Variants in KIF12 observed in about 807,000 individuals in gnomAD.
The protein encoded by KIF12 is kinesin family member 12.
Under a neutral mutation model 87.9 loss-of-function variants are expected in KIF12, and 80 were observed. The ratio of observed to expected loss-of-function variants is 0.91; its 90% CI spans 0.76 to 1.10. The LOEUF is 1.10. Ranked by LOEUF, KIF12 falls within the 50% of genes least tolerant of loss-of-function variation. The pLI is 0.00. For missense variants in KIF12, 819 were observed against 865.3 expected, an observed-to-expected ratio of 0.95 and a Z score of 0.67; for synonymous variants, 353 against 348.5, an observed-to-expected ratio of 1.01 and a Z score of -0.14.
chr9:114,098,414 C>A lies in KIF12; in HGVS notation c.187G>T (p.Gly63Trp), dbSNP rs1342082192. ...AAGCGGAACGCCACTTCTGGACCCC[C>A]GCCTGGAGGACTCACCTGGCGCGGG... ...TRTLQVSPPG[G>W]GPEVAFRFGA... is the part of the protein sequence containing the mutation. Residue 63 changes from glycine (G) to tryptophan (W), a missense_variant, in exon 4 of 19, where the codon GGG (glycine) becomes TGG (tryptophan). Coordinates refer to ENST00000640217, the MANE Select transcript of KIF12 (RefSeq NM_001388308.1). 16 of 1,508,326 alleles carry A rather than the reference C, an allele frequency of 1.1e-5. No individual in the cohort carries two copies. Among genetic ancestry groups the A allele is most frequent in the South Asian group, 2.4e-5 (2 of 81,656 alleles). 93.4% of individuals were successfully genotyped at this position (1,508,326 alleles called of 1,614,324 possible).
In KIF12 at chr9:114,094,471, C is replaced by G. The variant is rs749510835; in HGVS notation, c.1120-16G>C. The stretch of plus-strand genomic sequence containing the variant: ...CCACAGGAGACTGTAGGGAAAGAGG[C>G]CCAGAGCCACCTTTATGGTTGTATA... On this transcript the variant is annotated splice_polypyrimidine_tract_variant and intron_variant, in intron 11 of 18. Transcript: ENST00000640217. The G allele has an allele frequency of 5.4e-6, 8 of 1,489,536 alleles. No homozygotes were observed. The Admixed American group carries it at 1.2e-4, about 23-fold the overall frequency. The allele number at this position is 1,489,536 out of a possible 1,614,324, so 92.3% of individuals were successfully genotyped here.
At chr9:114,095,451 C>T in intron 9 of KIF12, 119 bp from the exon 10 acceptor site, 1 of 1,051,516 alleles carries the variant, frequency 9.5e-7, no homozygotes, top group Non-Finnish European at 1.4e-6. Flanking sequence ...CCCATCTTTC[C>T]ACATGATCTC....
At position 114,094,245 on chromosome 9, in the gene KIF12, C is replaced by T. The variant is rs377685500; in HGVS notation, c.1249G>A (p.Ala417Thr). The T allele has an allele frequency of 7.4e-6, 12 of 1,613,924 alleles. No homozygotes were observed. The African/African-American group carries it at 1.3e-4, about 18-fold the overall frequency. ...CCGTACAGGTTCCGCTGGGCCCAGG[C>T]CACCCGGGCTCCACTGAGCCCTGAG... ...KASGLSGARV[A>T]WAQRNLYGML... The change falls in exon 13 of 19, where the codon GCC (alanine) becomes ACC (threonine). Residue 417 changes from alanine (A) to threonine (T), a missense_variant. Ala to Thr is a moderately conservative substitution (Grantham distance 58). Transcript: ENST00000640217.
chr9:114,095,891 C>T (rs1847205167), intron 9 of KIF12, among the ~76,000 whole-genome samples, 160 bp downstream of exon 9: 1 of 152,246 alleles, frequency 6.6e-6, no homozygotes, highest in Admixed American at 6.5e-5. Context: ...GAGAAGTCAA[C>T]AGCAGAGCTG....
Position 114,092,560 on chromosome 9 carries a change from G to C in KIF12, c.1679C>G (p.Ala560Gly), listed in dbSNP as rs562865979. Residue 560 changes from alanine (A) to glycine (G), a missense_variant, in exon 17 of 19, where the codon GCC becomes GGC. By Grantham distance (60) the Ala-to-Gly change is moderately conservative. Transcript: ENST00000640217. ...GACCCACCTCTCTCTTGGGCACTTG[G>C]CAGAGCCAGGGCTGCATGGGGGTGC... Reference protein sequence around the residue: ...PWAPPCSPGSAKCPRERSHSD... With the variant: ...PWAPPCSPGSGKCPRERSHSD... The C allele has an allele frequency of 5.0e-6, 8 of 1,611,130 alleles. No individual in the cohort carries two copies. In the African/African-American group the frequency reaches 8.0e-5, roughly 16 times the overall value.
rs150514063 is a variant in KIF12 at position 114,091,895 on chromosome 9, G to A, written c.1922C>T (p.Ala641Val). ...AGGGAGGACTTGGCCTGGGCTCCGT[G>A]CGCCCTCACTGCAGGGTGGCTGGCT... ...GRSQPPCSEG[A>V]RSPGQVLPPH Residue 641 changes from alanine (A) to valine (V), a missense_variant, in exon 19 of 19, where the codon GCA (alanine) becomes GTA (valine). Ala to Val is a moderately conservative substitution (Grantham distance 64). Transcript: ENST00000640217. 6.2e-7 allele frequency: 1 copy of A among 1,611,318 alleles called. No individual in the cohort carries two copies. The highest frequency in any genetic ancestry group is 1.3e-5 in the African/African-American group (1 of 74,900).
Position 114,094,170 on chromosome 9 carries a change from C to A in KIF12, c.1313+11G>T, listed in dbSNP as rs751155505. ...GGAGCAGCATCCCTCTGGCTGTGGG[C>A]TGTGCCCTACCTGAGCCTCTCATTC... is the stretch of plus-strand genomic sequence containing the variant. On this transcript the variant is annotated intron_variant, in intron 13 of 18. Transcript: ENST00000640217. The A allele has an allele frequency of 6.2e-7, 1 of 1,611,262 alleles. No homozygotes were observed. Among genetic ancestry groups the A allele is most frequent in the South Asian group, 1.1e-5 (1 of 91,022 alleles).
intron 18 of KIF12, 159 bp downstream of exon 18, chr9:114,092,174 C>T (rs1847024173): frequency 6.8e-7 from 1 of 1,476,308 alleles, no homozygotes. Flanking sequence ...CGCAGATGCT[C>T]CTAAAAAGAG....
rs1008049786 is a variant in KIF12, at chr9:114,099,110, A to G, written c.86T>C (p.Val29Ala). 2.6e-6 allele frequency: 4 copies of G among 1,550,346 alleles called. No homozygotes were observed. Among genetic ancestry groups the G allele is most frequent in the Non-Finnish European group, 3.5e-6 (4 of 1,146,950 alleles). Reference sequence around the variant, plus strand: ...CTAGCCAATTTATACCCACCTGAGCACCACCTGGATGGGCGTTTCCGGCCC... The same window carrying G: ...CTAGCCAATTTATACCCACCTGAGCGCCACCTGGATGGGCGTTTCCGGCCC... ...PEGPETPIQVVLRVRPMSAAE... is the reference protein window; with the variant it reads ...PEGPETPIQVALRVRPMSAAE... Residue 29 changes from valine to alanine, a missense_variant, in exon 2 of 19, where the codon GTG (valine) becomes GCG (alanine). Val to Ala is a moderately conservative substitution (Grantham distance 64). Coordinates refer to ENST00000640217, the MANE Select transcript of KIF12 (RefSeq NM_001388308.1).
rs1847077969 is a variant in KIF12, at chr9:114,093,435, C to T, written c.1463G>A (p.Cys488Tyr). 2 of 1,569,948 alleles carry T rather than the reference C, an allele frequency of 1.3e-6. No individual in the cohort carries two copies. Among genetic ancestry groups the T allele is most frequent in the Admixed American group, 1.9e-5 (1 of 52,986 alleles). The change falls in exon 15 of 19, where the codon TGC (cysteine) becomes TAC (tyrosine). Residue 488 changes from cysteine (C) to tyrosine (Y), a missense_variant. Transcript: ENST00000640217. ...QGPGLTPPCP[C>Y]LMAPAPPCHA... Reference sequence around the variant, plus strand: ...GCAAGGGGGAGCTGGGGCCATCAAGCAGGGACACGGTGGGGTCAGGCCAGG... The same window carrying T: ...GCAAGGGGGAGCTGGGGCCATCAAGTAGGGACACGGTGGGGTCAGGCCAGG...
intron 16 of KIF12, 72 bp downstream of exon 16, chr9:114,093,157 G>A: frequency 7.3e-7 from 1 of 1,362,654 alleles, no homozygotes; most frequent in Non-Finnish European, 1.0e-6. Flanking sequence ...CTGGGGCTCT[G>A]GATTGATGAC....
rs1048793213 is a variant in KIF12 at position 114,092,600 on chromosome 9, G to A, written c.1639C>T (p.Arg547Trp). ...CATGGGGGTGCCCAGGGTGGGGGCC[G>A]GGCAGATGGGGGCCTGCCACCTGAG... ...EASGGRPPSA[R>W]PPPWAPPCSP... The change falls in exon 17 of 19, where the codon CGG becomes TGG. Residue 547 changes from arginine to tryptophan, a missense_variant. By Grantham distance (101) the Arg-to-Trp change is moderately radical. Coordinates refer to ENST00000640217, the MANE Select transcript of KIF12 (RefSeq NM_001388308.1). 1.1e-5 allele frequency: 17 copies of A among 1,601,322 alleles called. No homozygotes were observed. Among genetic ancestry groups the A allele is most frequent in the South Asian group, 2.2e-5 (2 of 89,418 alleles).
rs926638974 is a variant in KIF12 at position 114,096,260 on chromosome 9, C to T, written c.739-53G>A. Reference sequence around the variant, plus strand: ...TGGGAGGGACCGTCCCCATCAAAGCCACAAGGTTATGGGACCAAGAGTTTC... The same window carrying T: ...TGGGAGGGACCGTCCCCATCAAAGCTACAAGGTTATGGGACCAAGAGTTTC... On this transcript the variant is annotated intron_variant, in intron 8 of 18. Coordinates refer to ENST00000640217, the MANE Select transcript of KIF12 (RefSeq NM_001388308.1). The T allele has an allele frequency of 2.5e-6, 4 of 1,610,048 alleles. No homozygotes were observed. The African/African-American group carries it at 5.4e-5, about 22-fold the overall frequency.
chr9:114,098,361 C>A lies in KIF12; in HGVS notation c.240G>T (p.Thr80=). The A allele has an allele frequency of 6.7e-7, 1 of 1,498,716 alleles. No homozygotes were observed. 92.8% of individuals were successfully genotyped at this position (1,498,716 alleles called of 1,614,324 possible). Residue 80 remains threonine (T), a synonymous_variant, in exon 4 of 19, where the codon ACG becomes ACT. Transcript: ENST00000640217. ...CGCACGCCCGGAACACGTCCTCCTG[C>A]GTGCGCGCCGCGTCTAGCACCGCAC... ...RFGAVLDAAR[T]QEDVFRACGV...
chr9:114,092,551 G>A lies in KIF12; in HGVS notation c.1688C>T (p.Pro563Leu). Residue 563 changes from proline to leucine, a missense_variant, in exon 17 of 19, where the codon CCA becomes CTA. By Grantham distance (98) the Pro-to-Leu change is moderately conservative (BLOSUM62 -3). Transcript: ENST00000640217. Reference protein sequence around the residue: ...PPCSPGSAKCPRERSHSDWTQ... With the variant: ...PPCSPGSAKCLRERSHSDWTQ... Reference sequence around the variant, plus strand: ...CCCAGGAGAGACCCACCTCTCTCTTGGGCACTTGGCAGAGCCAGGGCTGCA... The same window carrying A: ...CCCAGGAGAGACCCACCTCTCTCTTAGGCACTTGGCAGAGCCAGGGCTGCA... 1 of 1,612,088 alleles carries A rather than the reference G, an allele frequency of 6.2e-7. No individual in the cohort carries two copies. Among genetic ancestry groups the A allele is most frequent in the Non-Finnish European group, 8.5e-7 (1 of 1,179,664 alleles).
chr9:114,095,936 G>T, intron 9 of KIF12, 115 bp downstream of exon 9: 1 of 1,212,418 alleles, frequency 8.2e-7, no homozygotes, highest in Non-Finnish European at 1.1e-6. Context: ...CTGGATCGCA[G>T]CTCTTTAACC....
rs1339217037 is a variant in KIF12, at chr9:114,098,997, C to T, written c.109G>A (p.Ala37Thr). Reference protein sequence around the residue: ...QVVLRVRPMSAAELRRGQQSV... With the variant: ...QVVLRVRPMSTAELRRGQQSV... The stretch of plus-strand genomic sequence containing the variant: ...TGCTGCCCTCGACGCAGCTCGGCCG[C>T]GCTCATGGGACGTACCCTGGGGTCC... The change falls in exon 3 of 19, where the codon GCG becomes ACG. Residue 37 changes from alanine to threonine, a missense_variant. By Grantham distance (58) the Ala-to-Thr change is moderately conservative. Coordinates refer to ENST00000640217, the MANE Select transcript of KIF12 (RefSeq NM_001388308.1). 4.5e-6 allele frequency: 7 copies of T among 1,550,300 alleles called. 1 individual carries two copies. In the South Asian group the frequency reaches 8.3e-5, roughly 18 times the overall value.
rs1847119207 is a variant in KIF12 at position 114,094,338 on chromosome 9, C to T, written c.1222+15G>A. Reference sequence around the variant, plus strand: ...ACCCTATCCCCATCCTACTCTGCCTCCAGGAAGCCCATACCCTTGCAGTCC... The same window carrying T: ...ACCCTATCCCCATCCTACTCTGCCTTCAGGAAGCCCATACCCTTGCAGTCC... On this transcript the variant is annotated intron_variant, in intron 12 of 18. Coordinates refer to ENST00000640217, the MANE Select transcript of KIF12 (RefSeq NM_001388308.1). 6.2e-7 allele frequency: 1 copy of T among 1,611,904 alleles called. No homozygotes were observed. Among genetic ancestry groups the T allele is most frequent in the Non-Finnish European group, 8.5e-7 (1 of 1,178,090 alleles).
chr9:114,092,775 G>C, intron 16 of KIF12, 133 bp from the exon 17 acceptor site: 1 of 1,484,836 alleles, frequency 6.7e-7, no homozygotes, highest in East Asian at 2.5e-5. Context: ...TGGCATAAAG[G>C]GGTGGGGTCT....
Sources: allele counts gnomAD v4.1 joint callset (sites outside exome capture counted in the v4.1 genomes callset), GRCh38; gene constraint gnomAD v4.1.1; transcripts MANE v1.5; gene names NCBI Gene and HGNC (gene_info 2026-07-23, HGNC 2026-07-21).